IFT122: variants seen among roughly 807,000 people sequenced by gnomAD.
The protein encoded by IFT122 is intraflagellar transport 122.
A neutral mutation model predicts 161.6 loss-of-function variants in IFT122; 118 were observed. The ratio of observed to expected loss-of-function variants is 0.73; its 90% CI spans 0.63 to 0.85. The LOEUF (loss-of-function observed/expected upper bound fraction) is 0.85. Among genes scored for constraint, IFT122 ranks in the 40% least tolerant of loss-of-function variants. IFT122 has a pLI of 0.00. For missense variants in IFT122, 1,381 were observed against 1,579.6 expected, an observed-to-expected ratio of 0.87 and a Z score of 2.13; for synonymous variants, 550 against 602.4, an observed-to-expected ratio of 0.91 and a Z score of 1.27.
chr3:129,494,500 G>C (rs780464202), intron 17 of IFT122, among the ~76,000 whole-genome samples: 4 of 152,182 alleles, frequency 2.6e-5, no homozygotes, highest in Non-Finnish European at 5.9e-5. Context: ...ACTTTCACCA[G>C]CTTGTCTAAG....
In IFT122 at chr3:129,520,431, A is replaced by G. The variant is rs1347120242; in HGVS notation, c.*166A>G. 8.8e-6 allele frequency: 6 copies of G among 684,502 alleles called. No homozygotes were observed. Among genetic ancestry groups the G allele is most frequent in the African/African-American group, 1.8e-5 (1 of 56,924 alleles). The allele number at this position is 684,502 out of a possible 1,614,324, so 42.4% of individuals were successfully genotyped here. ...ACGGAATTCCTATTTATGGCATTTC[A>G]TGCCTTGTAAATAGCACCAGGAGAT... On this transcript the variant is annotated 3_prime_UTR_variant, in exon 30 of 30. Transcript: ENST00000348417.
chr3:129,514,011 C>T (rs2083159530), intron 24 of IFT122: 2 of 367,600 alleles, frequency 5.4e-6, no homozygotes, highest in Non-Finnish European at 1.1e-5. Flanking sequence ...CCAGGCCCCA[C>T]CTGGCAGGGT....
At chr3:129,479,740 A>G (rs1396582479) in intron 12 of IFT122, 45 bp from the exon 13 acceptor site, 2 of 1,612,878 alleles carry the variant, frequency 1.2e-6, no homozygotes, top group Middle Eastern at 1.8e-4. Context: ...GTCTGGGGGC[A>G]CTTATTCTGT....
intron 9 of IFT122, among the ~76,000 whole-genome samples, chr3:129,474,734 G>A (rs1252869607): frequency 6.6e-6 from 1 of 152,152 alleles, no homozygotes; most frequent in Non-Finnish European, 1.5e-5. Flanking sequence ...CTGAGCTCGG[G>A]AGTTTGACCT....
In IFT122 at chr3:129,476,386, G is replaced by C; in HGVS notation, c.888G>C (p.Leu296Phe). Reference sequence around the variant, plus strand: ...ACTTTACTAAAGGCGAGTACATTTTGCTGGGGGGTTCAGACAAGCAAGTAT... The same window carrying C: ...ACTTTACTAAAGGCGAGTACATTTTCCTGGGGGGTTCAGACAAGCAAGTAT... ...ISYFTKGEYILLGGSDKQVSL... is the reference protein window; with the variant it reads ...ISYFTKGEYIFLGGSDKQVSL... Residue 296 changes from leucine (L) to phenylalanine (F), a missense_variant, in exon 10 of 30, where the codon TTG becomes TTC. Leu to Phe is a conservative substitution (Grantham distance 22). Around this residue, in one of 7 missense-constraint regions of IFT122, gnomAD observed 544 missense variants for 648.0 expected, o/e 0.84. Transcript: ENST00000348417. 6.2e-7 allele frequency: 1 copy of C among 1,614,192 alleles called. No individual in the cohort carries two copies. Among genetic ancestry groups the C allele is most frequent in the Non-Finnish European group, 8.5e-7 (1 of 1,180,044 alleles).
chr3:129,514,783 A>G (rs921925474), intron 25 of IFT122: 3 of 624,098 alleles, frequency 4.8e-6, no homozygotes, highest in South Asian at 3.6e-5. Context: ...CCCCGGCCTC[A>G]GCCCTCAGCC....
intron 25 of IFT122, 102 bp from the exon 26 acceptor site, chr3:129,515,386 T>C: frequency 1.0e-6 from 1 of 991,822 alleles, no homozygotes. Context: ...CCGGGTGGCC[T>C]TTCCTCTTGG....
Position 129,481,364 on chromosome 3 carries a change from C to T in IFT122, c.1489-166C>T, listed in dbSNP as rs1475613923. 6 of 692,450 alleles carry T rather than the reference C, an allele frequency of 8.7e-6. No homozygotes were observed. In the East Asian group the frequency reaches 8.7e-5, roughly 10 times the overall value. 42.9% of individuals were successfully genotyped at this position (692,450 alleles called of 1,614,324 possible). On this transcript the variant is annotated intron_variant, in intron 13 of 29. Transcript: ENST00000348417. The stretch of plus-strand genomic sequence containing the variant: ...TGGCCTCCTAAGGATAAGCCATTGC[C>T]CCCCACCCCCCTCTTTCTTTTGATG...
intron 14 of IFT122, among the ~76,000 whole-genome samples, chr3:129,483,257 G>C (rs533868914): frequency 6.6e-6 from 1 of 152,172 alleles, no homozygotes; most frequent in Admixed American, 6.5e-5. Context: ...AGTAATACTT[G>C]CTTACTCAAA....
intron 8 of IFT122, among the ~76,000 whole-genome samples, chr3:129,468,430 G>T (rs1046744735): frequency 1.3e-5 from 2 of 151,678 alleles, no homozygotes; most frequent in Non-Finnish European, 2.9e-5. Context: ...TGCAACTTCC[G>T]CCTCCCGGGT....
At chr3:129,516,565 A>C (rs2083715009) in intron 26 of IFT122, among the ~76,000 whole-genome samples, 1 of 96,704 alleles carries the variant, frequency 1.0e-5, no homozygotes, top group Admixed American at 1.1e-4. Context: ...TTGCTCCTGC[A>C]CACACACACA....
chr3:129,499,682 C>T (rs1346118999), intron 18 of IFT122, among the ~76,000 whole-genome samples: 3 of 152,244 alleles, frequency 2.0e-5, no homozygotes, highest in Non-Finnish European at 4.4e-5. Flanking sequence ...GTCCCTGATG[C>T]TGTCCCAGGA....
rs1560039658 is a variant in IFT122 at position 129,520,290 on chromosome 3, C to T, written c.*25C>T. 1 of 1,563,998 alleles carries T rather than the reference C, an allele frequency of 6.4e-7. No individual in the cohort carries two copies. Among genetic ancestry groups the T allele is most frequent in the Non-Finnish European group, 8.7e-7 (1 of 1,145,070 alleles). On this transcript the variant is annotated 3_prime_UTR_variant, in exon 30 of 30. Transcript: ENST00000348417. ...ACCAGCATCCTGGGGACGGCCTGCA[C>T]CCTCTGCCCGCCTTGGGGTCTGCTG...
At chr3:129,441,049 A>G (rs1201171745) in intron 1 of IFT122, among the ~76,000 whole-genome samples, 1 of 152,222 alleles carries the variant, frequency 6.6e-6, no homozygotes, top group Non-Finnish European at 1.5e-5. Flanking sequence ...GAAGTCTGAA[A>G]AAGAACTGAA....
At position 129,479,964 on chromosome 3, in the gene IFT122, A is replaced by T. The variant is rs780453712; in HGVS notation, c.1488+42A>T. The T allele has an allele frequency of 1.1e-5, 18 of 1,612,284 alleles. No homozygotes were observed. In the South Asian group the frequency reaches 2.0e-4, roughly 18 times the overall value. On this transcript the variant is annotated intron_variant, in intron 13 of 29. Transcript: ENST00000348417. ...GTCTCCTGTCAGGCTGATAATCTGC[A>T]TGCACACGTGGGTGACCCGTCTAGC...
At chr3:129,512,290 G>A (rs2082931851) in intron 23 of IFT122, 22 bp from the exon 24 acceptor site, 1 of 1,568,012 alleles carries the variant, frequency 6.4e-7, no homozygotes, top group South Asian at 1.1e-5. Context: ...CTCAATCCCT[G>A]TTTGCTTTTC....
At position 129,440,598 on chromosome 3, in the gene IFT122, G is replaced by T. The variant is rs145790923; in HGVS notation, c.41+227G>T. Among the ~76,000 whole-genome samples, 26 of 152,332 alleles carry T rather than the reference G, an allele frequency of 1.7e-4. No homozygotes were observed. The East Asian group carries it at 5.0e-3, about 29-fold the overall frequency. ...GGTGCCGCGCCTGAGGTGGTGGCGG[G>T]TGGAGGCGGCTCTTCCCTCACGGTC... On this transcript the variant is annotated intron_variant, in intron 1 of 29. Transcript: ENST00000348417.
chr3:129,517,058 C>G (rs1246390386), intron 26 of IFT122, among the ~76,000 whole-genome samples: 17 of 141,580 alleles, frequency 1.2e-4, no homozygotes, highest in African/African-American at 2.7e-4. Flanking sequence ...CACACACACA[C>G]ACAGACTGCC....
rs374676705 is a variant in IFT122 at position 129,451,896 on chromosome 3, A to G, written c.109-18A>G. ...AATAGATATCACATAGATAATCTGT[A>G]TTTGTCTCTTTTGCCAGGTTTATGA... On this transcript the variant is annotated intron_variant, in intron 2 of 29. Transcript: ENST00000348417. 27 of 1,600,712 alleles carry G rather than the reference A, an allele frequency of 1.7e-5. No individual in the cohort carries two copies. Among genetic ancestry groups the G allele is most frequent in the Non-Finnish European group, 2.2e-5 (26 of 1,167,914 alleles).
Sources: gnomAD v4.1 joint callset for allele counts (sites outside exome capture counted in the v4.1 genomes callset) on GRCh38, gnomAD v4.1.1 for gene constraint, gnomAD v4.1.1 regional missense constraint, MANE v1.5 for transcripts, NCBI Gene and HGNC (gene_info 2026-07-23, HGNC 2026-07-21) for gene names.